The following SHLD1 variants were observed in gnomAD, a reference collection of about 807,000 sequenced individuals.
SHLD1 encodes the protein RINN1-REV7-interacting novel NHEJ regulator 3.
Under a neutral mutation model 5.5 loss-of-function variants are expected in SHLD1, and 3 were observed. That is an observed-to-expected ratio of 0.54 (90% CI 0.25 to 1.40). SHLD1 has a LOEUF of 1.40. Among genes scored for constraint, SHLD1 ranks in the 40% most tolerant of loss-of-function variants. The pLI, the probability that SHLD1 is intolerant of heterozygous loss-of-function variation, is 0.15. For missense variants in SHLD1, 210 were observed against 244.4 expected (o/e 0.86, Z 0.94); for synonymous variants, 92 against 94.3 (o/e 0.98, Z 0.14).
chr20:5,796,831 A>G (rs992673292), intron 2 of SHLD1, among the ~76,000 whole-genome samples: 1 of 133,986 alleles, frequency 7.5e-6, no homozygotes, highest in Non-Finnish European at 1.6e-5. Context: ...CCTGTCTCAG[A>G]AAAAAAAAAA....
intron 2 of SHLD1, among the ~76,000 whole-genome samples, chr20:5,778,584 G>A (rs1420672114): frequency 6.7e-6 from 1 of 148,782 alleles, no homozygotes; most frequent in East Asian, 2.0e-4. Flanking sequence ...CCCAACCTGG[G>A]CGACAGAGCA....
chr20:5,829,678 A>G (rs1025632604), intron 2 of SHLD1, among the ~76,000 whole-genome samples: 1 of 152,242 alleles, frequency 6.6e-6, no homozygotes, highest in African/African-American at 2.4e-5. Context: ...GTTTGCATAG[A>G]AGCAATTCAA....
At chr20:5,812,624 T>G (rs892112619) in intron 2 of SHLD1, among the ~76,000 whole-genome samples, 3 of 152,358 alleles carry the variant, frequency 2.0e-5, no homozygotes, top group East Asian at 1.9e-4. Context: ...CTTTGCCATG[T>G]GTATTACTTT....
At chr20:5,850,200 A>C (rs539471549) in intron 2 of SHLD1, among the ~76,000 whole-genome samples, 5 of 151,174 alleles carry the variant, frequency 3.3e-5, no homozygotes, top group Admixed American at 1.3e-4. Flanking sequence ...CAAACTTTCC[A>C]GTCACTCTAT....
chr20:5,826,582 C>G (rs1038249407), intron 2 of SHLD1, among the ~76,000 whole-genome samples: 3 of 152,282 alleles, frequency 2.0e-5, no homozygotes, highest in South Asian at 2.1e-4. Context: ...AGTCCCTTGC[C>G]TCCCCCAACA....
In SHLD1 at chr20:5,779,791, T is replaced by C. The variant is rs559622268; in HGVS notation, c.178+6748T>C. On this transcript the variant is annotated intron_variant, in intron 2 of 2. Transcript: ENST00000303142. ...ACACTGTTGGCTACCTTCATGTAGC[T>C]TGTGCTTGGCTCAAAATAGAGTTGA... 8.7e-4 allele frequency among the ~76,000 whole-genome samples: 133 copies of C among 152,202 alleles called. 1 individual carries two copies. Among genetic ancestry groups the C allele is most frequent in the Non-Finnish European group, 2.1e-4 (14 of 68,010 alleles).
At chr20:5,789,692 T>C (rs1240827515) in intron 2 of SHLD1, among the ~76,000 whole-genome samples, 1 of 151,768 alleles carries the variant, frequency 6.6e-6, no homozygotes, top group Non-Finnish European at 1.5e-5. Flanking sequence ...TAAGCAACTA[T>C]GAACCCTGGA....
intron 2 of SHLD1, among the ~76,000 whole-genome samples, chr20:5,834,940 C>T (rs1180166041): frequency 6.6e-6 from 1 of 152,098 alleles, no homozygotes; most frequent in Non-Finnish European, 1.5e-5. Context: ...GAGGACTCCT[C>T]CTTCATGACC....
chr20:5,831,755 T>C (rs757515887), intron 2 of SHLD1, among the ~76,000 whole-genome samples: 16 of 152,170 alleles, frequency 1.1e-4, no homozygotes, highest in Non-Finnish European at 2.4e-4. Flanking sequence ...CTCTCAATTT[T>C]CTTGTTTACA....
At chr20:5,810,146 A>G (rs2087438775) in intron 2 of SHLD1, among the ~76,000 whole-genome samples, 1 of 151,944 alleles carries the variant, frequency 6.6e-6, no homozygotes, top group South Asian at 2.1e-4. Flanking sequence ...AATCGCAGCT[A>G]CTTGGGAGGC....
chr20:5,788,792 C>T (rs956373096), intron 2 of SHLD1, among the ~76,000 whole-genome samples: 1 of 152,120 alleles, frequency 6.6e-6, no homozygotes, highest in Non-Finnish European at 1.5e-5. Context: ...TTTCATTTAT[C>T]CAGCTGGGTT....
intron 1 of SHLD1, among the ~76,000 whole-genome samples, chr20:5,766,029 A>C (rs1166325950): frequency 1.3e-5 from 2 of 152,188 alleles, no homozygotes; most frequent in Non-Finnish European, 2.9e-5. Context: ...ATTTGTTTTC[A>C]AAAAGGATTC....
intron 1 of SHLD1, among the ~76,000 whole-genome samples, chr20:5,758,341 G>GA (rs1984247999): frequency 1.5e-5 from 2 of 130,436 alleles, no homozygotes; most frequent in Non-Finnish European, 3.3e-5. Context: ...GGAGGGGAAG[G>GA]GAGGGGGAGG....
Position 5,806,003 on chromosome 20 carries a change from A to G in SHLD1, c.178+32960A>G, listed in dbSNP as rs984091477. ...CAGCCTTTGGGGTTTGAAGGGCATTATCGCTTTAAACATGTTTTTTGATTT... is the reference window on the plus strand; with the variant it reads ...CAGCCTTTGGGGTTTGAAGGGCATTGTCGCTTTAAACATGTTTTTTGATTT... On this transcript the variant is annotated intron_variant, in intron 2 of 2. Coordinates refer to ENST00000303142, the MANE Select transcript of SHLD1 (RefSeq NM_152504.4). The surrounding 1 kb of genome is among the most constrained non-coding windows in gnomAD (Gnocchi z 7.6). Among the ~76,000 whole-genome samples the G allele has an allele frequency of 5.9e-5, 9 of 152,162 alleles. No homozygotes were observed. The highest frequency in any genetic ancestry group is 1.2e-4 in the African/African-American group (5 of 41,444).
At chr20:5,835,735 CCAA>C (rs2087781444) in intron 2 of SHLD1, among the ~76,000 whole-genome samples, 1 of 152,346 alleles carries the variant, frequency 6.6e-6, no homozygotes, top group Non-Finnish European at 1.5e-5. Flanking sequence ...TGGAAATCCT[CCAA>C]CAAGTTATTT....
chr20:5,849,603 G>A (rs2087975719), intron 2 of SHLD1, among the ~76,000 whole-genome samples: 1 of 152,170 alleles, frequency 6.6e-6, no homozygotes, highest in Non-Finnish European at 1.5e-5. Context: ...CATAATACAT[G>A]TATACATGTA....
chr20:5,823,759 A>G (rs1233855203), intron 2 of SHLD1, among the ~76,000 whole-genome samples: 3 of 152,006 alleles, frequency 2.0e-5, no homozygotes, highest in Non-Finnish European at 4.4e-5. Context: ...AAAATCTCAT[A>G]ATGTTCTAAG....
intron 2 of SHLD1, among the ~76,000 whole-genome samples, chr20:5,819,322 A>G (rs1050200779): frequency 6.6e-6 from 1 of 152,202 alleles, no homozygotes. Context: ...TTTGTTACGT[A>G]AAAGTTGAAC....
chr20:5,767,973 T>C (rs1301417891), intron 1 of SHLD1, among the ~76,000 whole-genome samples: 1 of 117,612 alleles, frequency 8.5e-6, no homozygotes, highest in Non-Finnish European at 1.8e-5. Flanking sequence ...GAGTGACGAA[T>C]TCTTTTTTTT....
Sources: allele counts gnomAD v4.1 joint callset (sites outside exome capture counted in the v4.1 genomes callset), GRCh38; gene constraint gnomAD v4.1.1; non-coding constraint Gnocchi (gnomAD v3.1); transcripts MANE v1.5; gene names NCBI Gene and HGNC (gene_info 2026-07-23, HGNC 2026-07-21).